The following FAM149B1 variants were observed in gnomAD, a reference collection of about 807,000 sequenced individuals.
FAM149B1 encodes the protein family with sequence similarity 149 member B1, also known as primary cilium assembly protein FAM149B1.
Under a neutral mutation model 75.3 loss-of-function variants are expected in FAM149B1, and 56 were observed. The ratio of observed to expected loss-of-function variants is 0.74; its 90% CI spans 0.60 to 0.93. The LOEUF is 0.93. Among genes scored for constraint, FAM149B1 ranks in the 40% least tolerant of loss-of-function variants. The pLI is 0.00. For missense variants in FAM149B1, 639 were observed against 708.4 expected (o/e 0.90, Z 1.11); for synonymous variants, 259 against 256.1 (o/e 1.01, Z -0.11).
intron 9 of FAM149B1, 172 bp downstream of exon 9, chr10:73,230,697 C>G: frequency 1.8e-6 from 1 of 553,192 alleles, no homozygotes; most frequent in East Asian, 3.0e-5. Context: ...GATAATGTAA[C>G]TGGAAAGAGA....
At position 73,168,360 on chromosome 10, in the gene FAM149B1, G is replaced by T; in HGVS notation, c.21G>T (p.Arg7=). Residue 7 remains arginine, a synonymous_variant, in exon 1 of 14, where the codon CGG becomes CGT. Transcript: ENST00000242505. MISRYT[R]KAVPQSLELK... ...GGAGGATGATCTCCAGATACACTCGGAAGGCGGTGCCACAGAGCTTGGAGC... is the reference window on the plus strand; with the variant it reads ...GGAGGATGATCTCCAGATACACTCGTAAGGCGGTGCCACAGAGCTTGGAGC... The T allele has an allele frequency of 6.5e-7, 1 of 1,550,134 alleles. No homozygotes were observed. Among genetic ancestry groups the T allele is most frequent in the Non-Finnish European group, 8.7e-7 (1 of 1,146,856 alleles).
At chr10:73,215,918 C>A (rs1362480700) in intron 7 of FAM149B1, among the ~76,000 whole-genome samples, 1 of 152,144 alleles carries the variant, frequency 6.6e-6, no homozygotes, top group Admixed American at 6.5e-5. Flanking sequence ...AATGTTAAGT[C>A]CATTTTGGTC....
In FAM149B1 at chr10:73,185,384, A is replaced by G. The variant is rs150594201; in HGVS notation, c.283-7172A>G. Among the ~76,000 whole-genome samples, 644 of 152,296 alleles carry G rather than the reference A, an allele frequency of 4.2e-3. 4 individuals are homozygous for G. The highest frequency in any genetic ancestry group is 7.0e-3 in the Non-Finnish European group (477 of 68,008). On this transcript the variant is annotated intron_variant, in intron 3 of 13. Transcript: ENST00000242505. ...AGCAACATAGTGAGACCCCATCTCT[A>G]TGAAAACTAAAACAATTAGCCAGGT... is the stretch of plus-strand genomic sequence containing the variant.
intron 1 of FAM149B1, among the ~76,000 whole-genome samples, chr10:73,173,874 A>T (rs558603790): frequency 2.2e-4 from 33 of 152,222 alleles, no homozygotes; most frequent in Non-Finnish European, 4.6e-4. Context: ...CTGCATATAA[A>T]TGGGCTCACA....
chr10:73,179,422 T>TTCTG (rs10634219), intron 3 of FAM149B1, among the ~76,000 whole-genome samples: 23,755 of 151,824 alleles, frequency 0.16, 3,066 homozygotes, highest in African/African-American at 0.33. Flanking sequence ...GGCTCTTTCT[T>TTCTG]TCTGTCTTTT....
At chr10:73,211,944 C>CTCCCACCT (rs1430455306) in intron 7 of FAM149B1, among the ~76,000 whole-genome samples, 1 of 152,054 alleles carries the variant, frequency 6.6e-6, no homozygotes, top group Non-Finnish European at 1.5e-5. Flanking sequence ...CCTTGCCTCC[C>CTCCCACCT]TCCCACCTTC....
In FAM149B1 at chr10:73,203,632, C is replaced by T. The variant is rs147640832; in HGVS notation, c.543-4987C>T. ...CTATTTTTGGCAATTATAAACAATT[C>T]TGTGATCATAATTTTTTTTTTTTTT... On this transcript the variant is annotated intron_variant, in intron 5 of 13. Transcript: ENST00000242505. 3.5e-3 allele frequency among the ~76,000 whole-genome samples: 523 copies of T among 150,102 alleles called. 3 individuals carry two copies. The highest frequency in any genetic ancestry group is 8.5e-3 in the Admixed American group (128 of 15,110).
chr10:73,169,702 G>A (rs74629413), intron 1 of FAM149B1, among the ~76,000 whole-genome samples: 2,716 of 152,212 alleles, frequency 0.018, 32 homozygotes, highest in Non-Finnish European at 0.028. Flanking sequence ...GGACTCAAGC[G>A]GTTCTCCCAC....
rs2043946017 is a variant in FAM149B1, at chr10:73,241,236, A to G, written c.*217A>G. The G allele has an allele frequency of 1.9e-6, 1 of 516,404 alleles. No individual in the cohort carries two copies. Among genetic ancestry groups the G allele is most frequent in the Non-Finnish European group, 3.5e-6 (1 of 286,288 alleles). The allele number at this position is 516,404 out of a possible 1,614,324, so 32.0% of individuals were successfully genotyped here. A position where few individuals can be genotyped will look rare whatever the true frequency, so the allele number is the denominator to read the frequency against. On this transcript the variant is annotated 3_prime_UTR_variant, in exon 14 of 14. Transcript: ENST00000242505. ...CCAGTTACTGTCTCTTTCAGCAGAAATTAACCTATCCCATTGGAAAGGCAA... is the reference window on the plus strand; with the variant it reads ...CCAGTTACTGTCTCTTTCAGCAGAAGTTAACCTATCCCATTGGAAAGGCAA...
At chr10:73,211,991 CTG>C (rs1294400083) in intron 7 of FAM149B1, among the ~76,000 whole-genome samples, 1 of 152,168 alleles carries the variant, frequency 6.6e-6, no homozygotes, top group African/African-American at 2.4e-5. Context: ...TTATTACACT[CTG>C]TATGTCCATG....
At chr10:73,230,155 T>G in intron 8 of FAM149B1, 1 of 341,484 alleles carries the variant, frequency 2.9e-6, no homozygotes, top group Non-Finnish European at 5.6e-6. Flanking sequence ...CCTCACTCCC[T>G]GTAAGAGGGC....
intron 7 of FAM149B1, among the ~76,000 whole-genome samples, chr10:73,226,099 ATT>A (rs59418464): frequency 0.15 from 21,217 of 143,034 alleles, 2,366 homozygotes; most frequent in East Asian, 0.3. Flanking sequence ...TACCACAATA[ATT>A]TTTTTTTTTT....
intron 5 of FAM149B1, among the ~76,000 whole-genome samples, chr10:73,202,679 CCTTT>C (rs1427893921): frequency 2.2e-5 from 3 of 134,838 alleles, no homozygotes; most frequent in Non-Finnish European, 4.8e-5. Flanking sequence ...CTTCCCTCTT[CCTTT>C]TTTTGTTTTG....
intron 1 of FAM149B1, among the ~76,000 whole-genome samples, chr10:73,169,930 A>G (rs1481365003): frequency 1.3e-5 from 2 of 152,000 alleles, no homozygotes; most frequent in Admixed American, 1.3e-4. Context: ...ATGGAGCTAT[A>G]TAATTTTAGC....
chr10:73,239,669 A>G (rs1404284780), intron 13 of FAM149B1, among the ~76,000 whole-genome samples: 1 of 150,488 alleles, frequency 6.6e-6, no homozygotes, highest in Middle Eastern at 3.4e-3. Flanking sequence ...TTTTTTTTAA[A>G]TCTAAAAAGT....
chr10:73,173,937 A>G (rs1443119488), intron 1 of FAM149B1, among the ~76,000 whole-genome samples: 2 of 152,234 alleles, frequency 1.3e-5, no homozygotes, highest in South Asian at 2.1e-4. Context: ...TGGTTTTTCT[A>G]TTGGCTTTGG....
chr10:73,208,346 A>G (rs1159586247), intron 5 of FAM149B1, among the ~76,000 whole-genome samples: 1 of 152,248 alleles, frequency 6.6e-6, no homozygotes, highest in East Asian at 1.9e-4. Context: ...CTTTATAGCA[A>G]GGCAAGGATG....
intron 3 of FAM149B1, among the ~76,000 whole-genome samples, chr10:73,185,728 C>G (rs1445575070): frequency 1.3e-5 from 2 of 151,704 alleles, no homozygotes; most frequent in Non-Finnish European, 2.9e-5. Context: ...GATACCAAAA[C>G]CAAAGACAAG....
At chr10:73,175,216 A>G (rs1195288843) in intron 2 of FAM149B1, among the ~76,000 whole-genome samples, 1 of 152,118 alleles carries the variant, frequency 6.6e-6, no homozygotes, top group Admixed American at 6.6e-5. Context: ...AATAAATAAA[A>G]TAACATAGCC....
Sources: allele counts gnomAD v4.1 joint callset (sites outside exome capture counted in the v4.1 genomes callset), GRCh38; gene constraint gnomAD v4.1.1; transcripts MANE v1.5; gene names NCBI Gene and HGNC (gene_info 2026-07-23, HGNC 2026-07-21).